The following MAN2A1 variants were observed in gnomAD, a reference collection of about 807,000 sequenced individuals.
MAN2A1 encodes the protein mannosidase alpha class 2A member 1, also known as alpha-mannosidase 2.
In MAN2A1, 76 loss-of-function variants were observed where a neutral mutation model predicts 142.6. The observed-to-expected ratio is 0.53, with a 90% CI of 0.44 to 0.65. The LOEUF (loss-of-function observed/expected upper bound fraction) is 0.65, where lower values mean the gene tolerates loss of function less well. Ranked by LOEUF, MAN2A1 falls within the 30% of genes least tolerant of loss-of-function variation. The pLI, the probability that MAN2A1 is intolerant of heterozygous loss-of-function variation, is 0.00. For missense variants in MAN2A1, 1,311 were observed against 1,365.1 expected (o/e 0.96, Z 0.62); for synonymous variants, 559 against 473.2 (o/e 1.18, Z -2.35).
At chr5:109,803,231 C>T (rs965858384) in intron 12 of MAN2A1, among the ~76,000 whole-genome samples, 7 of 151,942 alleles carry the variant, frequency 4.6e-5, no homozygotes, top group South Asian at 2.1e-4. Flanking sequence ...AGATAGATTG[C>T]ATTTAAAGTT....
rs10602185 is a variant in MAN2A1 at position 109,700,642 on chromosome 5, AAAG to A, written c.135+10091_135+10093del. Among the ~76,000 whole-genome samples the A allele has an allele frequency of 7.6e-3, 1,159 of 152,334 alleles. 23 individuals are homozygous for A. Among genetic ancestry groups the A allele is most frequent in the African/African-American group, 0.026 (1,092 of 41,562 alleles). On this transcript the variant is annotated intron_variant, in intron 1 of 21. Coordinates refer to ENST00000261483, the MANE Select transcript of MAN2A1 (RefSeq NM_002372.4). ...TTTTAACAGTCACCAGCATTCCAGA[AAAG>A]TCATGAAAAATTCAGGCACAGAATT...
At chr5:109,736,054 A>G (rs1401080160) in intron 4 of MAN2A1, among the ~76,000 whole-genome samples, 2 of 152,062 alleles carry the variant, frequency 1.3e-5, no homozygotes, top group East Asian at 3.9e-4. Context: ...AGTTGTCAGG[A>G]TATCCCTCCA....
chr5:109,712,813 C>T (rs921084698), intron 1 of MAN2A1, among the ~76,000 whole-genome samples: 4 of 152,088 alleles, frequency 2.6e-5, no homozygotes, highest in African/African-American at 9.7e-5. Context: ...GTACTTGGAA[C>T]CCAGGATATA....
intron 3 of MAN2A1, among the ~76,000 whole-genome samples, chr5:109,719,531 A>C (rs1751545700): frequency 6.6e-6 from 1 of 152,104 alleles, no homozygotes; most frequent in Non-Finnish European, 1.5e-5. Flanking sequence ...TTTGTATAAT[A>C]CTCCTAAATG....
At chr5:109,862,125 C>T (rs1755773947) in intron 20 of MAN2A1, among the ~76,000 whole-genome samples, 2 of 152,206 alleles carry the variant, frequency 1.3e-5, no homozygotes, top group South Asian at 4.1e-4. Flanking sequence ...GGTTGACCCT[C>T]AGTCTTCAGA....
chr5:109,696,677 A>G (rs145903590), intron 1 of MAN2A1, among the ~76,000 whole-genome samples: 50 of 152,332 alleles, frequency 3.3e-4, no homozygotes, highest in African/African-American at 1.1e-3. Context: ...GGAACCAACA[A>G]TGTCTCCAGA....
chr5:109,787,443 A>G (rs1417666215), intron 10 of MAN2A1, among the ~76,000 whole-genome samples: 2 of 152,156 alleles, frequency 1.3e-5, no homozygotes, highest in East Asian at 1.9e-4. Context: ...AAAATCCTGT[A>G]TTAATGAAAT....
intron 12 of MAN2A1, among the ~76,000 whole-genome samples, chr5:109,815,159 C>T (rs1754419391): frequency 6.6e-6 from 1 of 152,154 alleles, no homozygotes; most frequent in Non-Finnish European, 1.5e-5. Context: ...AGGACAGTCC[C>T]ATTGGTAATA....
chr5:109,797,254 AT>A (rs1753887713), intron 12 of MAN2A1, among the ~76,000 whole-genome samples: 1 of 152,022 alleles, frequency 6.6e-6, no homozygotes, highest in African/African-American at 2.4e-5. Context: ...CCAGATGAAA[AT>A]TTTTTTAAAA....
At chr5:109,795,768 G>A (rs1753841637) in intron 12 of MAN2A1, among the ~76,000 whole-genome samples, 1 of 152,130 alleles carries the variant, frequency 6.6e-6, no homozygotes, top group South Asian at 2.1e-4. Context: ...TTTTCTATTG[G>A]AAGAGTGCTA....
chr5:109,752,432 T>C (rs982776111), intron 4 of MAN2A1, among the ~76,000 whole-genome samples: 6 of 152,252 alleles, frequency 3.9e-5, no homozygotes, highest in South Asian at 2.1e-4. Flanking sequence ...CCAAGCAAGC[T>C]TCTGAGTGCC....
At chr5:109,753,690 G>A (rs764406997) in intron 4 of MAN2A1, among the ~76,000 whole-genome samples, 1 of 152,064 alleles carries the variant, frequency 6.6e-6, no homozygotes, top group Non-Finnish European at 1.5e-5. Context: ...CATATGCTTT[G>A]TAGGAAAATA....
intron 1 of MAN2A1, among the ~76,000 whole-genome samples, chr5:109,708,509 G>GACAC (rs145989678): frequency 0.056 from 6,911 of 124,482 alleles, 308 homozygotes; most frequent in Middle Eastern, 0.076. Flanking sequence ...GAACTGATAG[G>GACAC]ACACACACAC....
intron 19 of MAN2A1, among the ~76,000 whole-genome samples, chr5:109,850,856 C>T (rs1240293046): frequency 2.6e-5 from 4 of 152,058 alleles, no homozygotes; most frequent in Non-Finnish European, 5.9e-5. Context: ...GATTCTGGGT[C>T]TTCAATTAAT....
chr5:109,763,206 G>T (rs1752899310), intron 5 of MAN2A1, among the ~76,000 whole-genome samples: 1 of 152,146 alleles, frequency 6.6e-6, no homozygotes, highest in African/African-American at 2.4e-5. Context: ...GTTTGATGTG[G>T]TCTTTTGGGG....
intron 1 of MAN2A1, among the ~76,000 whole-genome samples, chr5:109,693,117 G>A (rs763446790): frequency 1.4e-4 from 21 of 152,054 alleles, no homozygotes; most frequent in Non-Finnish European, 2.9e-4. Flanking sequence ...TATGACTAAA[G>A]GAACTTTTAT....
Position 109,855,215 on chromosome 5 carries a change from A to G in MAN2A1, c.3052A>G (p.Ile1018Val). 6.2e-7 allele frequency: 1 copy of G among 1,606,290 alleles called. No homozygotes were observed. The highest frequency in any genetic ancestry group is 8.5e-7 in the Non-Finnish European group (1 of 1,177,486). ...TTCTTCTCTCATGAATCATCCAGTC[A>G]TTCCAATGGCAAATAAGTTCTCCTC... ...ITSSLMNHPV[I>V]PMANKFSSPT... Residue 1018 changes from isoleucine to valine, a missense_variant, in exon 20 of 22, where the codon ATT becomes GTT. Transcript: ENST00000261483.
chr5:109,789,018 C>G lies in MAN2A1; in HGVS notation c.1845C>G (p.Asp615Glu), dbSNP rs78907927. 705 of 1,595,178 alleles carry G rather than the reference C, an allele frequency of 4.4e-4. 6 individuals carry two copies. The African/African-American group carries it at 8.0e-3, about 18-fold the overall frequency. The change falls in exon 11 of 22, where the codon GAC becomes GAG. Residue 615 changes from aspartate to glutamate, a missense_variant. This residue lies in a region of MAN2A1 where 890 missense variants were observed against 920.5 expected (regional missense o/e 0.97). Transcript: ENST00000261483. Reference protein sequence around the residue: ...LLILKDKLTYDSYSPDTFLEM... With the variant: ...LLILKDKLTYESYSPDTFLEM... ...TTTTGAAGGACAAACTCACATACGA[C>G]TCTTACTCTCCTGATACCTTCCTGG...
At chr5:109,855,709 G>T (rs1328674917) in intron 20 of MAN2A1, among the ~76,000 whole-genome samples, 1 of 152,080 alleles carries the variant, frequency 6.6e-6, no homozygotes. Context: ...TTGTATTTTC[G>T]TACCTTTCTC....
Sources: gnomAD v4.1 joint callset for allele counts (sites outside exome capture counted in the v4.1 genomes callset) on GRCh38, gnomAD v4.1.1 for gene constraint, gnomAD v4.1.1 regional missense constraint, MANE v1.5 for transcripts, NCBI Gene and HGNC (gene_info 2026-07-23, HGNC 2026-07-21) for gene names.